Variants in SGCZ observed in about 807,000 individuals in gnomAD.
The protein encoded by SGCZ is sarcoglycan zeta, also known as zeta-sarcoglycan.
Under a neutral mutation model 41.3 loss-of-function variants are expected in SGCZ, and 40 were observed. The observed-to-expected ratio is 0.97, with a 90% CI of 0.75 to 1.26. SGCZ has a LOEUF of 1.26. Ranked by LOEUF, SGCZ falls within the 50% of genes most tolerant of loss-of-function variation. SGCZ has a pLI of 0.00. For missense variants in SGCZ, 552 were observed against 369.8 expected, an observed-to-expected ratio of 1.49 and a Z score of -4.04; for synonymous variants, 206 against 137.5, an observed-to-expected ratio of 1.50 and a Z score of -3.49.
At chr8:14,586,705 G>T (rs747822148) in intron 1 of SGCZ, among the ~76,000 whole-genome samples, 9 of 152,094 alleles carry the variant, frequency 5.9e-5, no homozygotes, top group Non-Finnish European at 1.2e-4. Context: ...TGTTTAAGTG[G>T]ATGACAATAC....
chr8:15,172,154 G>GTTTTT lies in SGCZ; in HGVS notation c.39+65426_39+65430dup, dbSNP rs1183210302. Reference sequence around the variant, plus strand: ...AGGAAAAAAATGCCTTTTATACTCTGTTTTTTTTTTTTTTTTTTTTTTTTT... The same window carrying GTTTTT: ...AGGAAAAAAATGCCTTTTATACTCTGTTTTTTTTTTTTTTTTTTTTTTTTTTTTTT... On this transcript the variant is annotated intron_variant, in intron 1 of 7. Coordinates refer to ENST00000382080, the MANE Select transcript of SGCZ (RefSeq NM_139167.4). 8.8e-4 allele frequency among the ~76,000 whole-genome samples: 63 copies of GTTTTT among 71,754 alleles called. 1 individual carries two copies. Among genetic ancestry groups the GTTTTT allele is most frequent in the African/African-American group, 1.9e-3 (37 of 19,560 alleles). 47.1% of individuals were successfully genotyped at this position (71,754 alleles called of 152,430 possible).
intron 3 of SGCZ, among the ~76,000 whole-genome samples, chr8:14,322,335 C>T (rs1184614248): frequency 6.6e-6 from 1 of 151,954 alleles, no homozygotes. Context: ...ATATATTCTT[C>T]AGTCAATACA....
intron 1 of SGCZ, among the ~76,000 whole-genome samples, chr8:14,978,184 C>T (rs1005355589): frequency 6.6e-6 from 1 of 151,794 alleles, no homozygotes; most frequent in Non-Finnish European, 1.5e-5. Flanking sequence ...ATTGTGCCTG[C>T]TGGCCGGGTG....
At chr8:14,542,735 A>C (rs906465676) in intron 2 of SGCZ, among the ~76,000 whole-genome samples, 4 of 151,932 alleles carry the variant, frequency 2.6e-5, no homozygotes, top group African/African-American at 9.7e-5. Context: ...GTTTTGGTTT[A>C]TGTGTTTTTA....
chr8:15,236,917 G>A (rs1451215703), intron 1 of SGCZ, among the ~76,000 whole-genome samples: 1 of 152,130 alleles, frequency 6.6e-6, no homozygotes, highest in Non-Finnish European at 1.5e-5. Flanking sequence ...CCCGCCCCCT[G>A]CCCGAGTCCC....
chr8:14,086,661 C>G lies in SGCZ; in HGVS notation c.*3782G>C, dbSNP rs1801530454. Among the ~76,000 whole-genome samples the G allele has an allele frequency of 6.6e-6, 1 of 151,540 alleles. No homozygotes were observed. Among genetic ancestry groups the G allele is most frequent in the African/African-American group, 2.4e-5 (1 of 41,350 alleles). ...GCATTATTTTCCTTTTTAACGTCAA[C>G]CATATTACTGAATCCTGTTAACCAG... On this transcript the variant is annotated 3_prime_UTR_variant, in exon 8 of 8. Transcript: ENST00000382080.
intron 1 of SGCZ, among the ~76,000 whole-genome samples, chr8:14,748,289 A>T (rs1385808775): frequency 6.6e-6 from 1 of 152,172 alleles, no homozygotes; most frequent in Non-Finnish European, 1.5e-5. Context: ...TTCAGACCCA[A>T]GTTGGCAGAA....
chr8:14,715,877 C>T (rs1430009740), intron 1 of SGCZ, among the ~76,000 whole-genome samples: 5 of 152,058 alleles, frequency 3.3e-5, no homozygotes, highest in African/African-American at 1.2e-4. Context: ...AACAAGTTAT[C>T]ATCAGTAGGA....
At chr8:14,215,852 T>C (rs908076185) in intron 4 of SGCZ, among the ~76,000 whole-genome samples, 4 of 151,650 alleles carry the variant, frequency 2.6e-5, no homozygotes, top group African/African-American at 9.7e-5. Flanking sequence ...AAAAAGAAAA[T>C]ACCTTGGCCC....
At chr8:14,269,876 G>A (rs1800003405) in intron 3 of SGCZ, among the ~76,000 whole-genome samples, 1 of 152,106 alleles carries the variant, frequency 6.6e-6, no homozygotes, top group African/African-American at 2.4e-5. Context: ...GTGCTGTCAT[G>A]TATGTTTATT....
chr8:14,643,033 T>C (rs1010153005), intron 1 of SGCZ, among the ~76,000 whole-genome samples: 4 of 151,652 alleles, frequency 2.6e-5, no homozygotes, highest in Non-Finnish European at 5.9e-5. Flanking sequence ...TGACTTTGAT[T>C]TTCTTTTCTA....
intron 1 of SGCZ, among the ~76,000 whole-genome samples, chr8:15,084,382 C>T (rs1465819300): frequency 1.3e-5 from 2 of 152,038 alleles, no homozygotes; most frequent in Admixed American, 6.6e-5. Context: ...TTCAGATGAA[C>T]AAAATAAATG....
At chr8:14,618,390 T>C (rs758025964) in intron 1 of SGCZ, among the ~76,000 whole-genome samples, 8 of 152,124 alleles carry the variant, frequency 5.3e-5, no homozygotes, top group Non-Finnish European at 8.8e-5. Context: ...AAGGAGTCCA[T>C]GAAGATATTT....
At chr8:15,202,915 A>G (rs1387981829) in intron 1 of SGCZ, among the ~76,000 whole-genome samples, 1 of 152,088 alleles carries the variant, frequency 6.6e-6, no homozygotes, top group African/African-American at 2.4e-5. Context: ...GTTCAAGACC[A>G]GCCTGGCCAA....
chr8:14,340,554 C>T lies in SGCZ; in HGVS notation c.235-16350G>A, dbSNP rs184488715. 1.0e-3 allele frequency among the ~76,000 whole-genome samples: 155 copies of T among 152,082 alleles called. 1 individual carries two copies. Among genetic ancestry groups the T allele is most frequent in the African/African-American group, 3.5e-3 (147 of 41,518 alleles). ...TTGTCTTTTTATCTCCAGAATTTAT[C>T]GAAATGACCTTTATGTACAAGCACA... On this transcript the variant is annotated intron_variant, in intron 2 of 7. Coordinates refer to ENST00000382080, the MANE Select transcript of SGCZ (RefSeq NM_139167.4).
intron 1 of SGCZ, chr8:14,690,288 A>T (rs1326101452): frequency 6.6e-6 from 1 of 152,014 alleles, no homozygotes; most frequent in East Asian, 1.9e-4. Context: ...CTAGTTCCAC[A>T]ATTTCAAAAG....
intron 1 of SGCZ, among the ~76,000 whole-genome samples, chr8:15,079,237 G>A (rs1054927294): frequency 2.0e-5 from 3 of 152,066 alleles, no homozygotes; most frequent in East Asian, 3.9e-4. Flanking sequence ...ATTATAGGCA[G>A]GAATGTACCC....
intron 4 of SGCZ, among the ~76,000 whole-genome samples, chr8:14,202,722 T>C (rs1289651000): frequency 1.3e-5 from 2 of 152,286 alleles, no homozygotes; most frequent in Non-Finnish European, 1.5e-5. Context: ...AATTGAATTC[T>C]TTTTTGTGGG....
intron 1 of SGCZ, among the ~76,000 whole-genome samples, chr8:14,878,072 C>T (rs1804432307): frequency 6.6e-6 from 1 of 152,044 alleles, no homozygotes. Context: ...AGTGGAAGAT[C>T]AGTGTCTCAA....
Sources: gnomAD v4.1 joint callset for allele counts (sites outside exome capture counted in the v4.1 genomes callset) on GRCh38, gnomAD v4.1.1 for gene constraint, MANE v1.5 for transcripts, NCBI Gene and HGNC (gene_info 2026-07-23, HGNC 2026-07-21) for gene names.